Variants in E4F1 observed in about 807,000 individuals in gnomAD.
E4F1 encodes the protein E4F transcription factor 1.
A neutral mutation model predicts 72.9 loss-of-function variants in E4F1; 30 were observed. That is an observed-to-expected ratio of 0.41 (90% confidence interval 0.31 to 0.56). E4F1 has a LOEUF of 0.56. Ranked by LOEUF, E4F1 falls within the 20% of genes least tolerant of loss-of-function variation. E4F1 has a pLI of 0.25. For synonymous variants in E4F1, 542 were observed against 478.2 expected (o/e 1.13, Z -1.74); for missense variants, 1,091 against 1,117.5 (o/e 0.98, Z 0.34).
chr16:2,231,843 G>C, intron 3 of E4F1: 1 of 325,706 alleles, frequency 3.1e-6, no homozygotes, highest in Non-Finnish European at 5.7e-6. Context: ...TTCACCCAAG[G>C]ACCTTGTCAC....
intron 2 of E4F1, among the ~76,000 whole-genome samples, chr16:2,229,170 G>T (rs1301288516): frequency 6.6e-6 from 1 of 152,162 alleles, no homozygotes; most frequent in Non-Finnish European, 1.5e-5. Context: ...CCTCCAGGAA[G>T]GCCTCTGGCC....
chr16:2,224,227 C>T (rs953245154), intron 1 of E4F1, among the ~76,000 whole-genome samples: 2 of 152,218 alleles, frequency 1.3e-5, no homozygotes, highest in South Asian at 4.1e-4. Flanking sequence ...GGCAGCAGAG[C>T]CTAGTGCAAG....
chr16:2,230,345 A>AG (rs1470468234), intron 3 of E4F1: 2 of 152,822 alleles, frequency 1.3e-5, no homozygotes, highest in African/African-American at 2.4e-5. Flanking sequence ...ATGCTTGTGC[A>AG]GGGGGGCATT....
chr16:2,235,633 C>G lies in E4F1; in HGVS notation c.*61C>G. On this transcript the variant is annotated 3_prime_UTR_variant, in exon 14 of 14. Coordinates refer to ENST00000301727, the MANE Select transcript of E4F1 (RefSeq NM_004424.5). ...GGGCAGAGGACTCTGAGCGCCCCAC[C>G]CATGCCTGCCTGGCCTGGTAGAGAA... 2 of 1,414,818 alleles carry G rather than the reference C, an allele frequency of 1.4e-6. No individual in the cohort carries two copies. Among genetic ancestry groups the G allele is most frequent in the Non-Finnish European group, 1.9e-6 (2 of 1,053,042 alleles). 87.6% of individuals were successfully genotyped at this position (1,414,818 alleles called of 1,614,324 possible). A position where few individuals can be genotyped will look rare whatever the true frequency, so the allele number is the denominator to read the frequency against.
rs770079145 is a variant in E4F1, at chr16:2,234,573, G to A, written c.1594-10G>A. 4.4e-6 allele frequency: 7 copies of A among 1,575,314 alleles called. No individual in the cohort carries two copies. The highest frequency in any genetic ancestry group is 2.7e-5 in the African/African-American group (2 of 74,078). ...CAAGGCCAGGCTGGCACTGACAGGT[G>A]TCTCCACAGAACGCACAGCAGGTGC... On this transcript the variant is annotated splice_polypyrimidine_tract_variant and intron_variant, in intron 10 of 13. Transcript: ENST00000301727.
chr16:2,231,257 C>T (rs2093466035), intron 3 of E4F1: 1 of 152,454 alleles, frequency 6.6e-6, no homozygotes, highest in Non-Finnish European at 1.5e-5. Flanking sequence ...CCTCCAGGCC[C>T]TCCTGCCGCT....
At position 2,235,431 on chromosome 16, in the gene E4F1, C is replaced by G. The variant is rs758366940; in HGVS notation, c.2214C>G (p.Ala738=). Residue 738 remains alanine (A), a synonymous_variant, in exon 14 of 14, where the codon GCC becomes GCG. Transcript: ENST00000301727. The part of the protein sequence containing the change: ...ASAISEGTVL[A]ARAGTSGTEQ... ...CCATCAGCGAGGGCACTGTGCTTGC[C>G]GCCCGGGCAGGGACAAGTGGCACTG... is the stretch of plus-strand genomic sequence containing the variant. 4 of 1,612,514 alleles carry G rather than the reference C, an allele frequency of 2.5e-6. No individual in the cohort carries two copies. The South Asian group carries it at 3.3e-5, about 13-fold the overall frequency.
intron 1 of E4F1, among the ~76,000 whole-genome samples, chr16:2,226,538 T>C (rs576148083): frequency 1.3e-3 from 202 of 152,322 alleles, no homozygotes; most frequent in African/African-American, 4.6e-3. Flanking sequence ...CAGTAAACAT[T>C]TGCCCAGCTC....
rs2093493597 is a variant in E4F1 at position 2,234,734 on chromosome 16, GTGGCT to G, written c.1747_1751del (p.Gly583ArgfsTer27). ...CCGTTCAAGTGCTACAAGTGCGGCC[GTGGCT>G]TCGCCGAGCACGGCACGCTGAACCG... On this transcript the variant is annotated frameshift_variant, in exon 11 of 14. Transcript: ENST00000301727. LOFTEE classifies it high-confidence loss of function. The G allele has an allele frequency of 6.4e-7, 1 of 1,557,110 alleles. No individual in the cohort carries two copies. Among genetic ancestry groups the G allele is most frequent in the Non-Finnish European group, 8.7e-7 (1 of 1,150,904 alleles).
At chr16:2,231,641 G>C (rs917213585) in intron 3 of E4F1, 4 of 155,414 alleles carry the variant, frequency 2.6e-5, no homozygotes, top group African/African-American at 7.2e-5. Flanking sequence ...GGCTGTCCCG[G>C]GTGTCTGGAG....
intron 1 of E4F1, chr16:2,224,006 C>T (rs1567294395): frequency 2.1e-6 from 3 of 1,449,080 alleles, no homozygotes; most frequent in Admixed American, 4.9e-5. Flanking sequence ...CACAAGTGCT[C>T]GCGGGTTGCT....
intron 1 of E4F1, among the ~76,000 whole-genome samples, chr16:2,225,076 G>A (rs924067609): frequency 6.6e-6 from 1 of 152,042 alleles, no homozygotes; most frequent in Non-Finnish European, 1.5e-5. Flanking sequence ...AGCTGGGCGT[G>A]GTGGTGCGCG....
rs373356413 is a variant in E4F1, at chr16:2,235,597, G to A, written c.*25G>A. 2.7e-5 allele frequency: 42 copies of A among 1,552,480 alleles called. No homozygotes were observed. The highest frequency in any genetic ancestry group is 1.4e-4 in the East Asian group (6 of 43,266). On this transcript the variant is annotated 3_prime_UTR_variant, in exon 14 of 14. Transcript: ENST00000301727. ...GCATGAGGTCTGCGGGGTCCTGGCC[G>A]GGCAGGGACAGGGCAGAGGACTCTG... is the stretch of plus-strand genomic sequence containing the variant.
In E4F1 at chr16:2,232,858, G is replaced by A. The variant is rs140445968; in HGVS notation, c.833G>A (p.Arg278His). 7.4e-6 allele frequency: 12 copies of A among 1,613,344 alleles called. No homozygotes were observed. Among genetic ancestry groups the A allele is most frequent in the African/African-American group, 2.7e-5 (2 of 74,920 alleles). Residue 278 changes from arginine (R) to histidine (H), a missense_variant, in exon 6 of 14, where the codon CGC becomes CAC. By Grantham distance (29) the Arg-to-His change is conservative. Coordinates refer to ENST00000301727, the MANE Select transcript of E4F1 (RefSeq NM_004424.5). ...CTCACCCCCTGCACAGAGAAAATCC[G>A]CTTCAGTGTGAGCAAGGACGTGGTT... ...KSLTPCTEKI[R>H]FSVSKDVVVS...
intron 2 of E4F1, 105 bp downstream of exon 2, chr16:2,228,628 T>C: frequency 7.1e-7 from 1 of 1,418,126 alleles, no homozygotes; most frequent in Non-Finnish European, 9.6e-7. Context: ...GGGGGCCACG[T>C]GGGCGGGCAG....
Position 2,235,581 on chromosome 16 carries a change from C to T in E4F1, c.*9C>T. 6.4e-7 allele frequency: 1 copy of T among 1,573,730 alleles called. No homozygotes were observed. On this transcript the variant is annotated 3_prime_UTR_variant, in exon 14 of 14. Coordinates refer to ENST00000301727, the MANE Select transcript of E4F1 (RefSeq NM_004424.5). Reference sequence around the variant, plus strand: ...AGACGGTCATCGTCTAGCATGAGGTCTGCGGGGTCCTGGCCGGGCAGGGAC... The same window carrying T: ...AGACGGTCATCGTCTAGCATGAGGTTTGCGGGGTCCTGGCCGGGCAGGGAC...
At chr16:2,234,467 C>T in intron 10 of E4F1, 79 bp downstream of exon 10, 1 of 1,577,776 alleles carries the variant, frequency 6.3e-7, no homozygotes, top group Non-Finnish European at 8.6e-7. Flanking sequence ...CACCCCCTTC[C>T]CTGCCTCCAC....
chr16:2,229,716 G>C, intron 3 of E4F1, 41 bp downstream of exon 3: 1 of 1,604,152 alleles, frequency 6.2e-7, no homozygotes, highest in Non-Finnish European at 8.5e-7. Context: ...ATAGACCTTC[G>C]TGGTTGGGGC....
Position 2,228,626 on chromosome 16 carries a change from C to T in E4F1, c.309+103C>T, listed in dbSNP as rs568471360. Reference sequence around the variant, plus strand: ...CCTGTGCAGCCGGTTCCGGGGGCCACGTGGGCGGGCAGAGGGCAGGCACCT... The same window carrying T: ...CCTGTGCAGCCGGTTCCGGGGGCCATGTGGGCGGGCAGAGGGCAGGCACCT... On this transcript the variant is annotated intron_variant, in intron 2 of 13. Transcript: ENST00000301727. The T allele has an allele frequency of 4.7e-5, 66 of 1,417,898 alleles. 1 individual carries two copies. The highest frequency in any genetic ancestry group is 1.9e-4 in the Admixed American group (9 of 46,906). 87.8% of individuals were successfully genotyped at this position (1,417,898 alleles called of 1,614,324 possible).
Sources: gnomAD v4.1 joint callset for allele counts (sites outside exome capture counted in the v4.1 genomes callset) on GRCh38, gnomAD v4.1.1 for gene constraint, MANE v1.5 for transcripts, NCBI Gene and HGNC (gene_info 2026-07-23, HGNC 2026-07-21) for gene names.